The following CDH13 variants were observed in gnomAD, a reference collection of about 807,000 sequenced individuals.
CDH13 encodes the protein cadherin 13, also known as cadherin-13.
CDH13 carries 24 observed loss-of-function variants against 63.8 expected under a neutral mutation model. The observed-to-expected ratio is 0.38, with a 90% CI of 0.27 to 0.53. The LOEUF is 0.53. Ranked by LOEUF, CDH13 falls within the 20% of genes least tolerant of loss-of-function variation. The pLI, the probability that CDH13 is intolerant of heterozygous loss-of-function variation, is 0.85. For missense variants in CDH13, 1,049 were observed against 903.1 expected (o/e 1.16, Z -2.07); for synonymous variants, 503 against 355.3 (o/e 1.42, Z -4.67).
In CDH13 at chr16:83,334,343, T is replaced by C. The variant is rs866807912; in HGVS notation, c.637-10519T>C. On this transcript the variant is annotated intron_variant, in intron 5 of 13. Coordinates refer to ENST00000567109, the MANE Select transcript of CDH13 (RefSeq NM_001257.5). ...CTATCTCCCTCTCTCCCTTTCTCCC[T>C]CTCTCTCTCTCTCTCTCTCACACAC... 1.3e-3 allele frequency among the ~76,000 whole-genome samples: 92 copies of C among 72,850 alleles called. No individual in the cohort carries two copies. In the South Asian group the frequency reaches 0.02, roughly 16 times the overall value. 47.8% of individuals were successfully genotyped at this position (72,850 alleles called of 152,430 possible).
chr16:83,669,263 C>G (rs534409202), intron 8 of CDH13, among the ~76,000 whole-genome samples: 2 of 152,116 alleles, frequency 1.3e-5, no homozygotes, highest in Non-Finnish European at 2.9e-5. Flanking sequence ...CCATAATAAC[C>G]ATAATAGATT....
chr16:83,753,146 C>A (rs761603719), intron 11 of CDH13, among the ~76,000 whole-genome samples: 1 of 152,144 alleles, frequency 6.6e-6, no homozygotes, highest in Non-Finnish European at 1.5e-5. Context: ...TTAAAAAGCC[C>A]TTATAAATCA....
chr16:83,657,829 G>C (rs1913003580), intron 8 of CDH13, among the ~76,000 whole-genome samples: 1 of 151,866 alleles, frequency 6.6e-6, no homozygotes. Context: ...GTCCTCACCA[G>C]CAAGGTCCCA....
intron 9 of CDH13, among the ~76,000 whole-genome samples, chr16:83,672,407 C>CTT (rs1379215242): frequency 2.9e-4 from 16 of 55,184 alleles, no homozygotes; most frequent in South Asian, 6.9e-4. Context: ...TCTCTGGATT[C>CTT]TCTTTTTTTT....
rs148593182 is a variant in CDH13 at position 83,525,754 on chromosome 16, C to T, written c.960+39099C>T. Reference sequence around the variant, plus strand: ...ATTCTGAGTTATCTTGGTGGATCCACTCTAATCCAATGAGTCCTTAAAATG... The same window carrying T: ...ATTCTGAGTTATCTTGGTGGATCCATTCTAATCCAATGAGTCCTTAAAATG... On this transcript the variant is annotated intron_variant, in intron 7 of 13. Coordinates refer to ENST00000567109, the MANE Select transcript of CDH13 (RefSeq NM_001257.5). Among the ~76,000 whole-genome samples, 29 of 152,278 alleles carry T rather than the reference C, an allele frequency of 1.9e-4. No homozygotes were observed. The East Asian group carries it at 5.2e-3, about 27-fold the overall frequency.
intron 4 of CDH13, among the ~76,000 whole-genome samples, chr16:83,207,364 TAGC>T: frequency 6.6e-6 from 1 of 152,244 alleles, no homozygotes; most frequent in Non-Finnish European, 1.5e-5. Flanking sequence ...TTATTTCATT[TAGC>T]ATAATGTCCT....
chr16:83,733,242 C>G (rs1214786604), intron 10 of CDH13, among the ~76,000 whole-genome samples: 1 of 152,178 alleles, frequency 6.6e-6, no homozygotes, highest in Non-Finnish European at 1.5e-5. Flanking sequence ...ACAGAACAGC[C>G]AGCAGCATCA....
rs56025748 is a variant in CDH13 at position 82,732,324 on chromosome 16, A to G, written c.45+105187A>G. Among the ~76,000 whole-genome samples, 550 of 152,288 alleles carry G rather than the reference A, an allele frequency of 3.6e-3. 2 individuals carry two copies. Among genetic ancestry groups the G allele is most frequent in the African/African-American group, 0.013 (531 of 41,564 alleles). On this transcript the variant is annotated intron_variant, in intron 1 of 13. Coordinates refer to ENST00000567109, the MANE Select transcript of CDH13 (RefSeq NM_001257.5). ...TTTTAGTGTCAGCTCCATCCAGCCC[A>G]AGTTAAGTACTAATTCAGCAAGTTA...
rs114519458 is a variant in CDH13 at position 83,423,302 on chromosome 16, T to C, written c.782-63175T>C. Among the ~76,000 whole-genome samples, 756 of 152,320 alleles carry C rather than the reference T, an allele frequency of 5.0e-3. 7 individuals carry two copies. The highest frequency in any genetic ancestry group is 0.017 in the African/African-American group (719 of 41,574). ...AGACCATCTTTTAACTAAGTCGTTATTGAAAGTTCTCATTTTGTTCACTTC... is the reference window on the plus strand; with the variant it reads ...AGACCATCTTTTAACTAAGTCGTTACTGAAAGTTCTCATTTTGTTCACTTC... On this transcript the variant is annotated intron_variant, in intron 6 of 13. Transcript: ENST00000567109.
chr16:82,823,846 A>T (rs538603069), intron 1 of CDH13: 12 of 152,320 alleles, frequency 7.9e-5, no homozygotes, highest in African/African-American at 2.2e-4. Flanking sequence ...GTGGGATTAT[A>T]CATATGAATT....
chr16:83,434,845 A>ATGTGTG (rs1345655696), intron 6 of CDH13, among the ~76,000 whole-genome samples: 147 of 80,736 alleles, frequency 1.8e-3, no homozygotes, highest in Non-Finnish European at 2.3e-3. Context: ...AAATATATAT[A>ATGTGTG]TATGTGTGTG....
intron 1 of CDH13, among the ~76,000 whole-genome samples, chr16:82,734,692 A>G (rs560234800): frequency 6.6e-6 from 1 of 152,318 alleles, no homozygotes; most frequent in African/African-American, 2.4e-5. Flanking sequence ...ATACAGACCA[A>G]TGGCAACCTT....
intron 6 of CDH13, among the ~76,000 whole-genome samples, chr16:83,456,135 T>A (rs1227419975): frequency 6.6e-6 from 1 of 151,970 alleles, no homozygotes; most frequent in African/African-American, 2.4e-5. Flanking sequence ...CAGTGGGGAG[T>A]CACCTGTGTG....
intron 8 of CDH13, among the ~76,000 whole-genome samples, chr16:83,633,754 C>T (rs921657612): frequency 1.3e-5 from 2 of 152,162 alleles, no homozygotes; most frequent in Non-Finnish European, 2.9e-5. Flanking sequence ...AAACAGGTTG[C>T]GTTTGAATTA....
At chr16:82,949,261 C>A (rs1905055626) in intron 2 of CDH13, among the ~76,000 whole-genome samples, 1 of 152,184 alleles carries the variant, frequency 6.6e-6, no homozygotes, top group African/African-American at 2.4e-5. Flanking sequence ...CTGGCAGCCC[C>A]AGGTGTTCCT....
chr16:83,606,595 T>G (rs893037693), intron 8 of CDH13, among the ~76,000 whole-genome samples: 1 of 151,304 alleles, frequency 6.6e-6, no homozygotes, highest in East Asian at 2.0e-4. Flanking sequence ...ACAAAAATTA[T>G]CCAGGCATGT....
At chr16:83,346,137 G>A (rs895801161) in intron 6 of CDH13, among the ~76,000 whole-genome samples, 2 of 152,124 alleles carry the variant, frequency 1.3e-5, no homozygotes, top group Admixed American at 1.3e-4. Context: ...AATGCGCTCC[G>A]TAAAAATGAA....
intron 10 of CDH13, among the ~76,000 whole-genome samples, chr16:83,738,570 G>C (rs922875493): frequency 1.3e-5 from 2 of 152,186 alleles, no homozygotes; most frequent in Non-Finnish European, 2.9e-5. Flanking sequence ...GTTTTCTTGT[G>C]ATTCCAGCTT....
intron 1 of CDH13, chr16:82,723,244 C>A (rs370175258): frequency 1.3e-5 from 2 of 152,296 alleles, no homozygotes; most frequent in Non-Finnish European, 2.9e-5. Context: ...GTAGGTGGCA[C>A]TCTGTTCCTC....
Sources: gnomAD v4.1 joint callset for allele counts (sites outside exome capture counted in the v4.1 genomes callset) on GRCh38, gnomAD v4.1.1 for gene constraint, MANE v1.5 for transcripts, NCBI Gene and HGNC (gene_info 2026-07-23, HGNC 2026-07-21) for gene names.